The following CAPN11 variants were observed in gnomAD, a reference collection of about 807,000 sequenced individuals.
CAPN11 encodes calpain 11.
CAPN11 carries 108 observed loss-of-function variants against 105.3 expected under a neutral mutation model. The observed-to-expected ratio is 1.03, with a 90% CI of 0.88 to 1.20. The LOEUF is 1.20. Among genes scored for constraint, CAPN11 ranks in the 50% most tolerant of loss-of-function variants. The pLI is 0.00. For missense variants in CAPN11, 883 were observed against 924.8 expected, an observed-to-expected ratio of 0.95 and a Z score of 0.59; for synonymous variants, 329 against 344.5, an observed-to-expected ratio of 0.96 and a Z score of 0.50.
At chr6:44,163,532 G>T (rs955775802) in intron 1 of CAPN11, among the ~76,000 whole-genome samples, 1 of 152,258 alleles carries the variant, frequency 6.6e-6, no homozygotes, top group South Asian at 2.1e-4. Context: ...TGCCCACCGA[G>T]TCTGAGGAAT....
At chr6:44,170,121 G>A in intron 4 of CAPN11, 146 bp downstream of exon 4, 1 of 663,186 alleles carries the variant, frequency 1.5e-6, no homozygotes, top group Non-Finnish European at 2.7e-6. Context: ...CTGAGGAGAT[G>A]ACAGTGAGAA....
intron 13 of CAPN11, 58 bp from the exon 14 acceptor site, chr6:44,179,894 G>C: frequency 7.3e-7 from 1 of 1,376,944 alleles, no homozygotes; most frequent in Non-Finnish European, 1.0e-6. Context: ...CACCCTGGGG[G>C]ACCCTCCCTC....
chr6:44,163,454 A>C (rs1198301521), intron 1 of CAPN11, among the ~76,000 whole-genome samples: 1 of 152,154 alleles, frequency 6.6e-6, no homozygotes. Flanking sequence ...GCTCCTCACC[A>C]TGGCGACCTC....
chr6:44,167,497 CAAAAAAAA>C (rs61107654), intron 2 of CAPN11, among the ~76,000 whole-genome samples: 2 of 27,076 alleles, frequency 7.4e-5, no homozygotes, highest in African/African-American at 2.4e-4. Context: ...GACTCCATCT[CAAAAAAAA>C]AAAAAAAAAA....
intron 1 of CAPN11, 69 bp from the exon 2 acceptor site, chr6:44,166,689 C>A: frequency 2.5e-6 from 3 of 1,180,158 alleles, no homozygotes; most frequent in South Asian, 2.6e-5. Flanking sequence ...TACACCCCAG[C>A]CCCAGCTGGG....
rs866038119 is a variant in CAPN11 at position 44,179,893 on chromosome 6, G to A, written c.1429-59G>A. The A allele has an allele frequency of 5.6e-5, 77 of 1,372,326 alleles. 1 individual carries two copies. In the South Asian group the frequency reaches 8.8e-4, roughly 16 times the overall value. 85.0% of individuals were successfully genotyped at this position (1,372,326 alleles called of 1,614,324 possible). ...GCCCGGCCAGGCTGTTCACCCTGGG[G>A]GACCCTCCCTCCCTAACCTCCCATG... On this transcript the variant is annotated intron_variant, in intron 13 of 22. Transcript: ENST00000398776.
chr6:44,177,705 T>C, intron 12 of CAPN11: 1 of 317,504 alleles, frequency 3.1e-6, no homozygotes, highest in Non-Finnish European at 6.0e-6. Flanking sequence ...TAGGCTGGTC[T>C]GGAACTCATG....
rs1048670865 is a variant in CAPN11 at position 44,166,647 on chromosome 6, A to G, written c.17-111A>G. 4 of 797,952 alleles carry G rather than the reference A, an allele frequency of 5.0e-6. No individual in the cohort carries two copies. In the African/African-American group the frequency reaches 6.9e-5, roughly 14 times the overall value. 49.4% of individuals were successfully genotyped at this position (797,952 alleles called of 1,614,324 possible). Reference sequence around the variant, plus strand: ...CTGCCCTCCCTGTAGCTGCGCCCCAACCCAGTTCTTTTCCTCATTCTAAAA... The same window carrying G: ...CTGCCCTCCCTGTAGCTGCGCCCCAGCCCAGTTCTTTTCCTCATTCTAAAA... On this transcript the variant is annotated intron_variant, in intron 1 of 22. Transcript: ENST00000398776.
Position 44,183,001 on chromosome 6 carries a change from C to T in CAPN11, c.1999C>T (p.Leu667=). Residue 667 remains leucine, a synonymous_variant, in exon 20 of 23, where the codon CTG becomes TTG. Coordinates refer to ENST00000398776, the MANE Select transcript of CAPN11 (RefSeq NM_007058.4). ...SGTLNSYEMR[L]VIEKAGIKLN... Reference sequence around the variant, plus strand: ...CACCTTGAACTCCTATGAGATGCGCCTGGTTATTGAGAAAGCAGGTGGCCA... The same window carrying T: ...CACCTTGAACTCCTATGAGATGCGCTTGGTTATTGAGAAAGCAGGTGGCCA... 1 of 1,612,658 alleles carries T rather than the reference C, an allele frequency of 6.2e-7. No homozygotes were observed.
At chr6:44,170,383 G>A (rs559074148) in intron 4 of CAPN11, among the ~76,000 whole-genome samples, 1 of 152,270 alleles carries the variant, frequency 6.6e-6, no homozygotes, top group East Asian at 1.9e-4. Context: ...GTGATCATCT[G>A]AAGGCTCGCC....
chr6:44,183,046 G>A (rs1394941869), intron 20 of CAPN11, 27 bp downstream of exon 20: 1 of 1,605,050 alleles, frequency 6.2e-7, no homozygotes, highest in African/African-American at 1.3e-5. Flanking sequence ...AGTGGGCCTT[G>A]GGGCAGGGAA....
chr6:44,180,412 C>G (rs1374894441), intron 14 of CAPN11, 48 bp from the exon 15 acceptor site: 3 of 1,600,044 alleles, frequency 1.9e-6, no homozygotes, highest in Non-Finnish European at 2.6e-6. Context: ...CTAAAACCCC[C>G]ACCTCCCTCC....
At chr6:44,171,314 C>T (rs796222823) in intron 4 of CAPN11, among the ~76,000 whole-genome samples, 9 of 152,292 alleles carry the variant, frequency 5.9e-5, no homozygotes, top group African/African-American at 1.7e-4. Flanking sequence ...TCCCTTTAGC[C>T]GAACTTCAGG....
intron 2 of CAPN11, among the ~76,000 whole-genome samples, chr6:44,167,990 G>A (rs1770258622): frequency 6.6e-6 from 1 of 150,680 alleles, no homozygotes; most frequent in Non-Finnish European, 1.5e-5. Context: ...GGGAGTACAA[G>A]ACCAGCCAAC....
chr6:44,167,181 C>T (rs564423483), intron 2 of CAPN11, among the ~76,000 whole-genome samples: 1 of 152,194 alleles, frequency 6.6e-6, no homozygotes, highest in Non-Finnish European at 1.5e-5. Context: ...TCTCTACACT[C>T]CATTATTTCC....
intron 11 of CAPN11, 67 bp from the exon 12 acceptor site, chr6:44,177,175 T>A (rs1217321460): frequency 1.3e-6 from 2 of 1,513,280 alleles, no homozygotes; most frequent in African/African-American, 2.8e-5. Flanking sequence ...GGAAGCTCGG[T>A]CCACCCTGGG....
intron 4 of CAPN11, among the ~76,000 whole-genome samples, 181 bp downstream of exon 4, chr6:44,170,156 C>T (rs994472915): frequency 6.6e-6 from 1 of 152,126 alleles, no homozygotes; most frequent in African/African-American, 2.4e-5. Flanking sequence ...CCTGCCCCTC[C>T]CAAGTCTGGA....
rs147936977 is a variant in CAPN11, at chr6:44,177,418, G to T, written c.1414G>T (p.Ala472Ser). ...GCAGACCATTGGCTTTGTCCTCTAC[G>T]CGGTGGGTGCCTGGCTGGTCTCGCC... ...QLQTIGFVLY[A>S]VPKEFQNIQD... The change falls in exon 12 of 23, where the codon GCG becomes TCG. Residue 472 changes from alanine to serine, a missense_variant and splice_region_variant. Physicochemically the swap from Ala to Ser is moderately conservative, Grantham distance 99. Transcript: ENST00000398776. The T allele has an allele frequency of 3.1e-4, 504 of 1,609,484 alleles. 4 individuals carry two copies. In the African/African-American group the frequency reaches 4.9e-3, roughly 16 times the overall value.
chr6:44,173,449 T>A, intron 7 of CAPN11, 63 bp downstream of exon 7: 1 of 1,097,106 alleles, frequency 9.1e-7, no homozygotes, highest in East Asian at 2.6e-5. Context: ...CCCAAAAGGC[T>A]CTTCCCCCAG....
Sources: allele counts gnomAD v4.1 joint callset (sites outside exome capture counted in the v4.1 genomes callset), GRCh38; gene constraint gnomAD v4.1.1; transcripts MANE v1.5; gene names NCBI Gene and HGNC (gene_info 2026-07-23, HGNC 2026-07-21).